The following RBPMS variants were observed in gnomAD, a reference collection of about 807,000 sequenced individuals.
RBPMS encodes the protein RNA-binding protein with multiple splicing.
RBPMS carries 7 observed loss-of-function variants against 26.8 expected under a neutral mutation model. That is an observed-to-expected ratio of 0.26 (90% CI 0.15 to 0.49). The LOEUF (loss-of-function observed/expected upper bound fraction) is 0.49, where lower values mean the gene tolerates loss of function less well. RBPMS is among the 20% of genes least tolerant of loss of function. The probability of loss-of-function intolerance (pLI) is 0.98; values close to 1 mark genes in which losing one functional copy is unlikely to be tolerated. For synonymous variants in RBPMS, 96 were observed against 93.3 expected (o/e 1.03, Z -0.17); for missense variants, 186 against 250.0 (o/e 0.74, Z 1.73).
At chr8:30,518,050 T>C (rs182585171) in intron 5 of RBPMS, among the ~76,000 whole-genome samples, 1 of 152,336 alleles carries the variant, frequency 6.6e-6, no homozygotes, top group East Asian at 1.9e-4. Flanking sequence ...CCATTTGTTC[T>C]GTGAATAGGA....
intron 5 of RBPMS, among the ~76,000 whole-genome samples, chr8:30,530,411 G>A (rs1824082519): frequency 6.6e-6 from 1 of 152,204 alleles, no homozygotes; most frequent in African/African-American, 2.4e-5. Flanking sequence ...TATCCAGACA[G>A]GTAATCACAA....
At chr8:30,486,734 AACC>A (rs1176766019) in intron 4 of RBPMS, among the ~76,000 whole-genome samples, 1 of 152,228 alleles carries the variant, frequency 6.6e-6, no homozygotes, top group African/African-American at 2.4e-5. Context: ...AGGGAGGAAG[AACC>A]ACACGTTCTC....
At chr8:30,411,865 A>G (rs1026057439) in intron 1 of RBPMS, among the ~76,000 whole-genome samples, 2 of 151,934 alleles carry the variant, frequency 1.3e-5, no homozygotes, top group African/African-American at 4.8e-5. Context: ...CTGTGCCTGT[A>G]ATCCCAGCTA....
chr8:30,508,407 T>C (rs1388716281), intron 5 of RBPMS, among the ~76,000 whole-genome samples: 1 of 152,250 alleles, frequency 6.6e-6, no homozygotes, highest in East Asian at 1.9e-4. Context: ...TTACTAGTTT[T>C]GTAAGTTTGG....
intron 1 of RBPMS, among the ~76,000 whole-genome samples, chr8:30,389,981 T>A (rs1807596352): frequency 6.6e-6 from 1 of 152,208 alleles, no homozygotes. Flanking sequence ...TTCTGAAGAC[T>A]ATATTTTTAT....
intron 6 of RBPMS, chr8:30,555,875 C>A (rs1264368653): frequency 9.1e-6 from 9 of 985,322 alleles, no homozygotes; most frequent in Non-Finnish European, 1.1e-5. Flanking sequence ...CCTCATTACC[C>A]CCACACAGTG....
chr8:30,430,831 T>C (rs1275864373), intron 1 of RBPMS, among the ~76,000 whole-genome samples: 2 of 152,220 alleles, frequency 1.3e-5, no homozygotes, highest in Non-Finnish European at 2.9e-5. Context: ...CTATGTCTTA[T>C]AGTTCATTTA....
At chr8:30,515,206 A>C (rs1157128830) in intron 5 of RBPMS, among the ~76,000 whole-genome samples, 3 of 152,006 alleles carry the variant, frequency 2.0e-5, no homozygotes, top group Non-Finnish European at 4.4e-5. Flanking sequence ...TCCTGGTGTC[A>C]AGCCATCCTC....
chr8:30,455,869 G>A (rs1489136524), intron 1 of RBPMS, among the ~76,000 whole-genome samples: 1 of 152,080 alleles, frequency 6.6e-6, no homozygotes, highest in East Asian at 1.9e-4. Flanking sequence ...GAGCCTGGGC[G>A]ACAGAGTGAG....
chr8:30,562,492 G>T (rs1296907036), intron 7 of RBPMS, among the ~76,000 whole-genome samples: 1 of 152,070 alleles, frequency 6.6e-6, no homozygotes, highest in Non-Finnish European at 1.5e-5. Context: ...GGGGAGTCTA[G>T]TCTCCCAGCC....
At position 30,420,336 on chromosome 8, in the gene RBPMS, C is replaced by A. The variant is rs139631330; in HGVS notation, c.66+35178C>A. On this transcript the variant is annotated intron_variant, in intron 1 of 8. Transcript: ENST00000397323. ...TCCAAATTAAACATTAAATGAAATT[C>A]TGATAAAAATTCCCAAGTACTTTAA... 6.5e-3 allele frequency among the ~76,000 whole-genome samples: 996 copies of A among 152,098 alleles called. 10 individuals carry two copies. Among genetic ancestry groups the A allele is most frequent in the Middle Eastern group, 0.027 (8 of 294 alleles).
chr8:30,561,242 C>T (rs1177622265), intron 7 of RBPMS, among the ~76,000 whole-genome samples: 2 of 152,030 alleles, frequency 1.3e-5, no homozygotes, highest in Non-Finnish European at 2.9e-5. Context: ...CTATGAAGTC[C>T]AGAATTTTGT....
intron 4 of RBPMS, among the ~76,000 whole-genome samples, chr8:30,486,642 TAAAAAAA>T (rs1818821646): frequency 2.4e-5 from 1 of 42,416 alleles, no homozygotes; most frequent in Non-Finnish European, 5.9e-5. Context: ...CAAAAAAAAA[TAAAAAAA>T]TAAAAGAATC....
intron 4 of RBPMS, among the ~76,000 whole-genome samples, chr8:30,482,185 T>G (rs1380623318): frequency 6.6e-6 from 1 of 152,208 alleles, no homozygotes; most frequent in Non-Finnish European, 1.5e-5. Flanking sequence ...CTTTTTAGGG[T>G]CATCTTTTCT....
chr8:30,391,428 G>A (rs1807776848), intron 1 of RBPMS, among the ~76,000 whole-genome samples: 1 of 152,168 alleles, frequency 6.6e-6, no homozygotes, highest in South Asian at 2.1e-4. Context: ...GAAAGGGAAT[G>A]CAAATGTTCC....
intron 1 of RBPMS, among the ~76,000 whole-genome samples, chr8:30,428,806 C>A (rs1043252071): frequency 2.6e-5 from 4 of 151,770 alleles, no homozygotes; most frequent in African/African-American, 9.7e-5. Context: ...TAAGAAAACT[C>A]ATGTACACTA....
At chr8:30,462,886 G>GC (rs1301700577) in intron 1 of RBPMS, among the ~76,000 whole-genome samples, 1 of 152,110 alleles carries the variant, frequency 6.6e-6, no homozygotes, top group African/African-American at 2.4e-5. Flanking sequence ...AGTGAAATTT[G>GC]CCCGCGGCCT....
intron 6 of RBPMS, chr8:30,547,296 T>A: frequency 6.3e-7 from 1 of 1,599,522 alleles, no homozygotes; most frequent in Non-Finnish European, 8.5e-7. Context: ...TTCTAGTGTT[T>A]CTCTCCTGAG....
chr8:30,499,870 CTGTGTGTGTG>C (rs10543546), intron 4 of RBPMS, among the ~76,000 whole-genome samples: 1,745 of 150,216 alleles, frequency 0.012, 16 homozygotes, highest in Non-Finnish European at 0.013. Flanking sequence ...TCAGGGGAAA[CTGTGTGTGTG>C]TGTGTGTGTG....
Sources: gnomAD v4.1 joint callset for allele counts (sites outside exome capture counted in the v4.1 genomes callset) on GRCh38, gnomAD v4.1.1 for gene constraint, MANE v1.5 for transcripts, NCBI Gene and HGNC (gene_info 2026-07-23, HGNC 2026-07-21) for gene names.